The following ERBB4 variants were observed in gnomAD, a reference collection of about 807,000 sequenced individuals.
ERBB4 encodes the protein erb-b2 receptor tyrosine kinase 4.
In ERBB4, 42 loss-of-function variants were observed where a neutral mutation model predicts 158.0. That is an observed-to-expected ratio of 0.27 (90% CI 0.21 to 0.34). The LOEUF (loss-of-function observed/expected upper bound fraction) is 0.34. Ranked by LOEUF, ERBB4 falls within the 10% of genes least tolerant of loss-of-function variation. ERBB4 has a pLI of 1.00. For missense variants in ERBB4, 1,333 were observed against 1,624.1 expected, an observed-to-expected ratio of 0.82 and a Z score of 3.08; for synonymous variants, 583 against 558.7, an observed-to-expected ratio of 1.04 and a Z score of -0.61.
chr2:212,232,337 T>A (rs2083696144), intron 1 of ERBB4, among the ~76,000 whole-genome samples: 1 of 152,160 alleles, frequency 6.6e-6, no homozygotes. Context: ...AATAAAGGCT[T>A]TGAAGGAAAA....
At chr2:212,194,636 G>T (rs2105887250) in intron 1 of ERBB4, among the ~76,000 whole-genome samples, 1 of 152,074 alleles carries the variant, frequency 6.6e-6, no homozygotes, top group South Asian at 2.1e-4. Context: ...TAATTGCACA[G>T]ATCTAATTGT....
At chr2:211,951,325 C>A (rs2080869590) in intron 2 of ERBB4, among the ~76,000 whole-genome samples, 1 of 152,056 alleles carries the variant, frequency 6.6e-6, no homozygotes, top group Non-Finnish European at 1.5e-5. Flanking sequence ...AGTAATTTTT[C>A]AGTGTCACTT....
chr2:211,661,812 G>A, intron 15 of ERBB4, among the ~76,000 whole-genome samples: 1 of 151,296 alleles, frequency 6.6e-6, no homozygotes, highest in Admixed American at 6.6e-5. Flanking sequence ...GGCCGAGGCG[G>A]GCGGATCACG....
intron 1 of ERBB4, among the ~76,000 whole-genome samples, chr2:212,535,314 T>C (rs1212434309): frequency 6.6e-6 from 1 of 152,170 alleles, no homozygotes; most frequent in Non-Finnish European, 1.5e-5. Flanking sequence ...TAAACACTTG[T>C]AAGAAAGAGA....
intron 1 of ERBB4, among the ~76,000 whole-genome samples, chr2:212,325,471 T>C (rs187927539): frequency 4.0e-5 from 6 of 150,874 alleles, no homozygotes; most frequent in Admixed American, 2.6e-4. Context: ...AATTGGTTAA[T>C]TGATTGCCTG....
intron 18 of ERBB4, among the ~76,000 whole-genome samples, chr2:211,620,287 C>A (rs2069549775): frequency 6.6e-6 from 1 of 152,086 alleles, no homozygotes; most frequent in Admixed American, 6.5e-5. Context: ...AGATTTTTAA[C>A]ATTAAAATGA....
intron 3 of ERBB4, among the ~76,000 whole-genome samples, chr2:211,884,827 T>A (rs1308968877): frequency 6.6e-6 from 1 of 152,196 alleles, no homozygotes; most frequent in African/African-American, 2.4e-5. Context: ...AACCATAACA[T>A]TGTATTTCAC....
intron 1 of ERBB4, among the ~76,000 whole-genome samples, chr2:212,204,738 T>C (rs2082689196): frequency 6.6e-6 from 1 of 151,330 alleles, no homozygotes; most frequent in African/African-American, 2.4e-5. Flanking sequence ...TATGATTGTC[T>C]TCCAGAAATA....
In ERBB4 at chr2:211,843,970, C is replaced by T. The variant is rs16846990; in HGVS notation, c.422-55811G>A. ...TGAATTGCCAACTTTTCACAGAGAG[C>T]AAGAGAGGTTGAAGTGGATTTTGAA... On this transcript the variant is annotated intron_variant, in intron 3 of 27. Coordinates refer to ENST00000342788, the MANE Select transcript of ERBB4 (RefSeq NM_005235.3). Among the ~76,000 whole-genome samples, 401 of 152,032 alleles carry T rather than the reference C, an allele frequency of 2.6e-3. 3 individuals carry two copies. The Middle Eastern group carries it at 0.031, about 12-fold the overall frequency.
rs780364892 is a variant in ERBB4, at chr2:212,477,310, A to G, written c.82+61139T>C. ...TACTTTCTGGCACGTTTTTCTTCCT[A>G]TACTTCTGCCACTTTGATAGCCAGG... On this transcript the variant is annotated intron_variant, in intron 1 of 27. Coordinates refer to ENST00000342788, the MANE Select transcript of ERBB4 (RefSeq NM_005235.3). 2.4e-4 allele frequency among the ~76,000 whole-genome samples: 37 copies of G among 152,226 alleles called. No individual in the cohort carries two copies. In the South Asian group the frequency reaches 3.5e-3, roughly 15 times the overall value.
At chr2:212,493,823 C>T (rs920474708) in intron 1 of ERBB4, among the ~76,000 whole-genome samples, 11 of 151,562 alleles carry the variant, frequency 7.3e-5, no homozygotes, top group African/African-American at 2.4e-4. Context: ...TTTTGTTAAT[C>T]GATTACTCTC....
intron 3 of ERBB4, among the ~76,000 whole-genome samples, chr2:211,944,148 ACAC>A: frequency 1.6e-5 from 2 of 126,456 alleles, no homozygotes; most frequent in African/African-American, 6.0e-5. Context: ...CTATACATAT[ACAC>A]TATATATATA....
At chr2:212,225,574 G>A (rs1046552330) in intron 1 of ERBB4, among the ~76,000 whole-genome samples, 6 of 151,638 alleles carry the variant, frequency 4.0e-5, no homozygotes, top group African/African-American at 9.7e-5. Context: ...ATCCTATAGA[G>A]GTAATTAGGA....
At chr2:211,825,242 CATA>C in intron 3 of ERBB4, among the ~76,000 whole-genome samples, 1 of 151,784 alleles carries the variant, frequency 6.6e-6, no homozygotes, top group East Asian at 1.9e-4. Flanking sequence ...TTATCATCAT[CATA>C]ATGATAATAA....
At chr2:211,412,111 AG>A (rs2063275376) in intron 25 of ERBB4, among the ~76,000 whole-genome samples, 1 of 151,752 alleles carries the variant, frequency 6.6e-6, no homozygotes, top group Non-Finnish European at 1.5e-5. Context: ...AAAAAAAAAA[AG>A]TTTTTAAATT....
intron 1 of ERBB4, among the ~76,000 whole-genome samples, chr2:212,493,929 C>T (rs957306458): frequency 1.3e-5 from 2 of 151,668 alleles, no homozygotes; most frequent in Non-Finnish European, 3.0e-5. Context: ...TTAGAATATA[C>T]CACTAAGAGA....
chr2:211,886,576 G>A (rs1355041605), intron 3 of ERBB4, among the ~76,000 whole-genome samples: 2 of 152,078 alleles, frequency 1.3e-5, no homozygotes, highest in African/African-American at 2.4e-5. Flanking sequence ...AAACATATGG[G>A]AAAAGAAATA....
At chr2:212,174,144 A>T (rs1298827742) in intron 1 of ERBB4, among the ~76,000 whole-genome samples, 1 of 152,036 alleles carries the variant, frequency 6.6e-6, no homozygotes, top group Non-Finnish European at 1.5e-5. Context: ...GTCATGAAAA[A>T]TTTTTCAGGG....
At chr2:211,541,651 T>C (rs1229311825) in intron 20 of ERBB4, among the ~76,000 whole-genome samples, 1 of 152,086 alleles carries the variant, frequency 6.6e-6, no homozygotes, top group Non-Finnish European at 1.5e-5. Context: ...TCCAATGGAA[T>C]AAATGAGGAA....
Sources: gnomAD v4.1 joint callset for allele counts (sites outside exome capture counted in the v4.1 genomes callset) on GRCh38, gnomAD v4.1.1 for gene constraint, MANE v1.5 for transcripts, NCBI Gene and HGNC (gene_info 2026-07-23, HGNC 2026-07-21) for gene names.